Variants in USP36 observed in about 807,000 individuals in gnomAD.
The protein encoded by USP36 is ubiquitin carboxyl-terminal hydrolase 36.
A neutral mutation model predicts 111.5 loss-of-function variants in USP36; 59 were observed. The ratio of observed to expected loss-of-function variants is 0.53; its 90% CI spans 0.43 to 0.66. The LOEUF (loss-of-function observed/expected upper bound fraction) is 0.66, where lower values mean the gene tolerates loss of function less well. USP36 is among the 30% of genes least tolerant of loss of function. USP36 has a pLI of 0.00. For synonymous variants in USP36, 628 were observed against 581.0 expected (o/e 1.08, Z -1.16); for missense variants, 1,488 against 1,468.0 (o/e 1.01, Z -0.22).
In USP36 at chr17:78,819,927, T is replaced by TA; in HGVS notation, c.911+2dup. The TA allele has an allele frequency of 1.2e-6, 2 of 1,613,864 alleles. No homozygotes were observed. Reference sequence around the variant, plus strand: ...CTTCTGCCACAAGCAACGTGAAACTTACTTAGCACACATGTAGGCATTCTC... The same window carrying TA: ...CTTCTGCCACAAGCAACGTGAAACTTAACTTAGCACACATGTAGGCATTCTC... On this transcript the variant is annotated splice_region_variant and intron_variant, in intron 9 of 20. Coordinates refer to ENST00000449938, the MANE Select transcript of USP36 (RefSeq NM_001385174.1).
Position 78,798,132 on chromosome 17 carries a change from ACACCCAACAC to A in USP36, c.*20+258_*21-254del. 2.2e-6 allele frequency: 1 copy of A among 450,378 alleles called. No homozygotes were observed. The highest frequency in any genetic ancestry group is 3.3e-5 in the South Asian group (1 of 30,068). 27.9% of individuals were successfully genotyped at this position (450,378 alleles called of 1,614,324 possible). A position where few individuals can be genotyped will look rare whatever the true frequency, so the allele number is the denominator to read the frequency against. ...CACAGATGCCAGGTGTACACACCCC[ACACCCAACAC>A]ACACTACACACACCCCCTTATACAC... On this transcript the variant is annotated intron_variant, in intron 20 of 20. Coordinates refer to ENST00000449938, the MANE Select transcript of USP36 (RefSeq NM_001385174.1). This position sits in a 1 kb window ranked among gnomAD's most constrained non-coding sequence, Gnocchi z 5.1.
chr17:78,836,431 C>T (rs2068677274), intron 2 of USP36, 59 bp from the exon 3 acceptor site: 1 of 1,569,320 alleles, frequency 6.4e-7, no homozygotes, highest in Non-Finnish European at 8.6e-7. Context: ...ACAAAAACAT[C>T]TCTTAAGATC....
At position 78,797,673 on chromosome 17, in the gene USP36, C is replaced by T. The variant is rs978513598; in HGVS notation, c.*227G>A. The T allele has an allele frequency of 3.3e-5, 5 of 152,482 alleles. No homozygotes were observed. The highest frequency in any genetic ancestry group is 2.1e-4 in the South Asian group (1 of 4,824). 9.4% of individuals were successfully genotyped at this position (152,482 alleles called of 1,614,324 possible). On this transcript the variant is annotated 3_prime_UTR_variant, in exon 21 of 21. Coordinates refer to ENST00000449938, the MANE Select transcript of USP36 (RefSeq NM_001385174.1). Reference sequence around the variant, plus strand: ...CCACCTCTGCTCACACACACACTGTCGTTTCTCTTGCAGGGCTGGTCGGGA... The same window carrying T: ...CCACCTCTGCTCACACACACACTGTTGTTTCTCTTGCAGGGCTGGTCGGGA...
At chr17:78,834,995 T>TTCTA (rs1555641679) in intron 4 of USP36, among the ~76,000 whole-genome samples, 2 of 65,786 alleles carry the variant, frequency 3.0e-5, no homozygotes, top group Admixed American at 1.8e-4. Flanking sequence ...AAAATAATAT[T>TTCTA]TGTATATATA....
At chr17:78,800,524 C>T (rs1039058371) in intron 17 of USP36, among the ~76,000 whole-genome samples, 3 of 152,236 alleles carry the variant, frequency 2.0e-5, no homozygotes, top group South Asian at 2.1e-4. Flanking sequence ...CAAATCTGAC[C>T]TCATTTCTCC....
Position 78,816,667 on chromosome 17 carries a change from G to T in USP36, c.1023+2000C>A, listed in dbSNP as rs368230256. ...AAACCAAAATTTTTTTGTAGAGACA[G>T]GGTCTCACTATGTTGCCCAAGCTGG... On this transcript the variant is annotated intron_variant, in intron 10 of 20. Coordinates refer to ENST00000449938, the MANE Select transcript of USP36 (RefSeq NM_001385174.1). Among the ~76,000 whole-genome samples, 60 of 151,752 alleles carry T rather than the reference G, an allele frequency of 4.0e-4. 1 individual carries two copies. Among genetic ancestry groups the T allele is most frequent in the East Asian group, 2.5e-3 (13 of 5,162 alleles).
chr17:78,828,836 T>G, intron 5 of USP36, 61 bp downstream of exon 5: 1 of 1,523,626 alleles, frequency 6.6e-7, no homozygotes, highest in Non-Finnish European at 8.9e-7. Flanking sequence ...GAGAACCCCA[T>G]CTCTACAAAA....
chr17:78,803,994 G>A lies in USP36; in HGVS notation c.2217-16C>T. 1.3e-6 allele frequency: 2 copies of A among 1,546,888 alleles called. No homozygotes were observed. The highest frequency in any genetic ancestry group is 2.3e-5 in the South Asian group (2 of 85,604). On this transcript the variant is annotated splice_polypyrimidine_tract_variant and intron_variant, in intron 15 of 20. Transcript: ENST00000449938. The surrounding 1 kb of genome is among the most constrained non-coding windows in gnomAD (Gnocchi z 4.6). Reference sequence around the variant, plus strand: ...TGACACAGCCCTGTGGGGACAGCCAGGAAACAGGGAGAGGATGTTCTGAAA... The same window carrying A: ...TGACACAGCCCTGTGGGGACAGCCAAGAAACAGGGAGAGGATGTTCTGAAA...
In USP36 at chr17:78,798,784, G is replaced by T; in HGVS notation, c.3240+124C>A. 1 of 1,306,904 alleles carries T rather than the reference G, an allele frequency of 7.7e-7. No individual in the cohort carries two copies. The highest frequency in any genetic ancestry group is 1.1e-6 in the Non-Finnish European group (1 of 927,158). 81.0% of individuals were successfully genotyped at this position (1,306,904 alleles called of 1,614,324 possible). Reference sequence around the variant, plus strand: ...TGGCCACACGCCCGGACAGGCCTGGGCAGCCTGGCTCTTCTCATGCTCGGC... The same window carrying T: ...TGGCCACACGCCCGGACAGGCCTGGTCAGCCTGGCTCTTCTCATGCTCGGC... On this transcript the variant is annotated intron_variant, in intron 19 of 20. Transcript: ENST00000449938. This position sits in a 1 kb window ranked among gnomAD's most constrained non-coding sequence, Gnocchi z 5.1.
rs375221323 is a variant in USP36 at position 78,802,691 on chromosome 17, G to A, written c.2811-156C>T. Among the ~76,000 whole-genome samples the A allele has an allele frequency of 3.3e-5, 5 of 152,250 alleles. No homozygotes were observed. In the East Asian group the frequency reaches 9.7e-4, roughly 29 times the overall value. ...CATTCTTCCCCCCACACGCATTAGC[G>A]GACGCTCCACACGCAGCCACGGAGA... On this transcript the variant is annotated intron_variant, in intron 16 of 20. Coordinates refer to ENST00000449938, the MANE Select transcript of USP36 (RefSeq NM_001385174.1).
At chr17:78,787,917 C>T (rs997456994) in intron 3 of USP36, among the ~76,000 whole-genome samples, 1 of 152,110 alleles carries the variant, frequency 6.6e-6, no homozygotes, top group Admixed American at 6.6e-5. Context: ...AAGATGGCTA[C>T]GTGAAGATGG....
rs147635914 is a variant in USP36, at chr17:78,828,991, G to A, written c.492C>T (p.Phe164=). The A allele has an allele frequency of 7.1e-3, 11,444 of 1,613,632 alleles. 52 individuals are homozygous for A. Among genetic ancestry groups the A allele is most frequent in the Non-Finnish European group, 8.6e-3 (10,092 of 1,179,808 alleles). Residue 164 remains phenylalanine (F), a synonymous_variant, in exon 5 of 21, where the codon TTC becomes TTT. Coordinates refer to ENST00000449938, the MANE Select transcript of USP36 (RefSeq NM_001385174.1). ...EHARSCHQGS[F]CMLCVMQNHI... ...GGTTCTGCATGACACACAGCATGCA[G>A]AAGCTTCCCTGGTGGCCTGCCGGCG...
chr17:78,800,171 T>C (rs942277823), intron 17 of USP36, among the ~76,000 whole-genome samples: 1 of 146,290 alleles, frequency 6.8e-6, no homozygotes, highest in Admixed American at 6.8e-5. Context: ...CTTTAACCAG[T>C]AGTGTTAAGT....
intron 6 of USP36, 37 bp from the exon 7 acceptor site, chr17:78,822,041 A>C: frequency 6.2e-7 from 1 of 1,613,002 alleles, no homozygotes; most frequent in Non-Finnish European, 8.5e-7. Context: ...GGAAGGGCTC[A>C]GCAAGATGAC....
At position 78,821,947 on chromosome 17, in the gene USP36, G is replaced by A. The variant is rs760588262; in HGVS notation, c.747C>T (p.Leu249=). 5.0e-6 allele frequency: 8 copies of A among 1,614,010 alleles called. No individual in the cohort carries two copies. The Admixed American group carries it at 5.0e-5, about 10-fold the overall frequency. The change falls in exon 7 of 21, where the codon CTC becomes CTT. Residue 249 remains leucine (L), a synonymous_variant. Transcript: ENST00000449938. The part of the protein sequence containing the change: ...TLVHQIFGGY[L]RSRVKCSVCK... ...AACGTCTCCACTTACCGCGTGATCTGAGATACCCTCCAAAAATTTGATGGA... is the reference window on the plus strand; with the variant it reads ...AACGTCTCCACTTACCGCGTGATCTAAGATACCCTCCAAAAATTTGATGGA...
downstream of USP36, among the ~76,000 whole-genome samples, chr17:78,794,248 G>A (rs1178004823): frequency 6.6e-6 from 1 of 152,200 alleles, no homozygotes; most frequent in African/African-American, 2.4e-5. Context: ...CCGCCTTTCA[G>A]GCCATCAGGC....
chr17:78,829,598 T>TGTAGAGGAGGCAA (rs2067891521), intron 4 of USP36, among the ~76,000 whole-genome samples: 1 of 152,190 alleles, frequency 6.6e-6, no homozygotes, highest in Non-Finnish European at 1.5e-5. Flanking sequence ...GCTCCTGTAT[T>TGTAGAGGAGGCAA]GTAGAGGAGG....
chr17:78,787,769 G>C (rs2093547746), intron 3 of USP36: 1 of 152,244 alleles, frequency 6.6e-6, no homozygotes, highest in Non-Finnish European at 1.5e-5. Context: ...CTAAGCCCCA[G>C]TACCTGTGAA....
rs964770370 is a variant in USP36, at chr17:78,802,611, C to A, written c.2811-76G>T. ...GCAGGAGCGCACAGACACCCGCCTG[C>A]AACATGGAGAAGGTGCCACCCCAGC... is the stretch of plus-strand genomic sequence containing the variant. On this transcript the variant is annotated intron_variant, in intron 16 of 20. Coordinates refer to ENST00000449938, the MANE Select transcript of USP36 (RefSeq NM_001385174.1). 3.5e-6 allele frequency: 5 copies of A among 1,427,848 alleles called. No individual in the cohort carries two copies. In the African/African-American group the frequency reaches 7.1e-5, roughly 20 times the overall value. The allele number at this position is 1,427,848 out of a possible 1,614,324, so 88.4% of individuals were successfully genotyped here. A position where few individuals can be genotyped will look rare whatever the true frequency, so the allele number is the denominator to read the frequency against.
Sources: gnomAD v4.1 joint callset for allele counts (sites outside exome capture counted in the v4.1 genomes callset) on GRCh38, gnomAD v4.1.1 for gene constraint, Gnocchi (gnomAD v3.1) non-coding constraint, MANE v1.5 for transcripts, NCBI Gene and HGNC (gene_info 2026-07-23, HGNC 2026-07-21) for gene names.